STK32B: variants seen among roughly 807,000 people sequenced by gnomAD.
STK32B encodes serine/threonine-protein kinase 32B.
In STK32B, 43 loss-of-function variants were observed where a neutral mutation model predicts 52.6. The ratio of observed to expected loss-of-function variants is 0.82; its 90% CI spans 0.64 to 1.05. STK32B has a LOEUF of 1.05. STK32B is among the 50% of genes least tolerant of loss of function. STK32B has a pLI of 0.00. For missense variants in STK32B, 621 were observed against 534.6 expected, an observed-to-expected ratio of 1.16 and a Z score of -1.59; for synonymous variants, 238 against 204.3, an observed-to-expected ratio of 1.17 and a Z score of -1.41.
At chr4:5,197,265 C>T (rs1721753207) in intron 3 of STK32B, among the ~76,000 whole-genome samples, 1 of 152,152 alleles carries the variant, frequency 6.6e-6, no homozygotes, top group Non-Finnish European at 1.5e-5. Flanking sequence ...AGGAGGTGCC[C>T]AGCTCTGTAG....
chr4:5,334,857 T>C (rs1732531801), intron 4 of STK32B, among the ~76,000 whole-genome samples: 1 of 152,062 alleles, frequency 6.6e-6, no homozygotes, highest in African/African-American at 2.4e-5. Flanking sequence ...AGCTTTTTGA[T>C]GTGCTGCTGG....
chr4:5,491,532 T>G (rs1234715884), intron 11 of STK32B, among the ~76,000 whole-genome samples: 1 of 151,942 alleles, frequency 6.6e-6, no homozygotes, highest in Non-Finnish European at 1.5e-5. Flanking sequence ...GTAGGTTGCC[T>G]GTTCACTCTG....
At chr4:5,418,122 A>T (rs1281783076) in intron 6 of STK32B, among the ~76,000 whole-genome samples, 1 of 152,248 alleles carries the variant, frequency 6.6e-6, no homozygotes. Flanking sequence ...CAGAAGGCTG[A>T]TGCACTGGGG....
At chr4:5,047,927 G>A (rs954414240), upstream of STK32B, among the ~76,000 whole-genome samples, 1 of 152,178 alleles carries the variant, frequency 6.6e-6, no homozygotes, top group African/African-American at 2.4e-5. Context: ...AATCCAGTAA[G>A]TGTCTTTTCA....
intron 1 of STK32B, among the ~76,000 whole-genome samples, chr4:5,107,577 T>C (rs56114112): frequency 0.086 from 13,030 of 152,202 alleles, 587 homozygotes; most frequent in East Asian, 0.15. Context: ...TCAATGACCA[T>C]TGCTAGAATT....
At chr4:5,036,024 C>T in the STK32B span, among the ~76,000 whole-genome samples, 2 of 152,050 alleles carry the variant, frequency 1.3e-5, no homozygotes, top group Non-Finnish European at 2.9e-5. Flanking sequence ...TCAGGTGATC[C>T]ACCGGCCTCG....
At chr4:5,231,479 G>A (rs940253835) in intron 3 of STK32B, among the ~76,000 whole-genome samples, 4 of 152,086 alleles carry the variant, frequency 2.6e-5, no homozygotes, top group Admixed American at 2.0e-4. Context: ...AGGCATGGTG[G>A]TGCACACCTG....
At chr4:5,025,844 G>A in the STK32B span, among the ~76,000 whole-genome samples, 1 of 152,188 alleles carries the variant, frequency 6.6e-6, no homozygotes, top group African/African-American at 2.4e-5. Flanking sequence ...TATTGGCCTA[G>A]CCCACTAATG....
intron 3 of STK32B, among the ~76,000 whole-genome samples, chr4:5,305,849 G>C (rs923863350): frequency 1.6e-4 from 25 of 151,968 alleles, no homozygotes; most frequent in African/African-American, 5.1e-4. Flanking sequence ...AATGCTATGA[G>C]CTTTCCTCTT....
chr4:5,497,360 G>A (rs6834434), intron 11 of STK32B, among the ~76,000 whole-genome samples: 1,735 of 152,328 alleles, frequency 0.011, 30 homozygotes, highest in African/African-American at 0.039. Flanking sequence ...TATTTACTAA[G>A]AAGGATGATA....
At chr4:5,040,857 G>C in the STK32B span, among the ~76,000 whole-genome samples, 72 of 152,278 alleles carry the variant, frequency 4.7e-4, no homozygotes, top group Admixed American at 1.6e-3. Flanking sequence ...GTAGCCAATA[G>C]CTCCTAGGCT....
chr4:5,330,950 G>A (rs897934250), intron 3 of STK32B, among the ~76,000 whole-genome samples: 1 of 152,140 alleles, frequency 6.6e-6, no homozygotes, highest in Non-Finnish European at 1.5e-5. Context: ...TAGTTAAACT[G>A]TCATCTGTCT....
intron 4 of STK32B, among the ~76,000 whole-genome samples, chr4:5,393,886 C>T (rs1736725730): frequency 6.6e-6 from 1 of 152,068 alleles, no homozygotes; most frequent in African/African-American, 2.4e-5. Flanking sequence ...CTTCTCTGTC[C>T]TTTGCTACCT....
chr4:5,477,392 A>G (rs1023632057), intron 11 of STK32B, among the ~76,000 whole-genome samples: 4 of 152,118 alleles, frequency 2.6e-5, no homozygotes, highest in African/African-American at 9.7e-5. Context: ...CAAATGGCCT[A>G]AAACCCTCAA....
chr4:5,452,025 G>A (rs984812354), intron 7 of STK32B, among the ~76,000 whole-genome samples: 7 of 152,304 alleles, frequency 4.6e-5, no homozygotes, highest in Admixed American at 3.3e-4. Context: ...CAGGCACGGA[G>A]AGCAGAGGCT....
chr4:5,358,533 C>T (rs945800916), intron 4 of STK32B, among the ~76,000 whole-genome samples: 4 of 151,972 alleles, frequency 2.6e-5, no homozygotes, highest in Non-Finnish European at 5.9e-5. Flanking sequence ...ATAATGGGAA[C>T]GTTTCAAAGC....
chr4:5,376,579 C>A (rs565746943), intron 4 of STK32B, among the ~76,000 whole-genome samples: 2 of 152,102 alleles, frequency 1.3e-5, no homozygotes, highest in Non-Finnish European at 2.9e-5. Context: ...TTACCTCTTT[C>A]CTCCTCCATA....
the STK32B span, among the ~76,000 whole-genome samples, chr4:5,036,363 T>G: frequency 2.0e-5 from 3 of 152,162 alleles, no homozygotes; most frequent in African/African-American, 4.8e-5. Flanking sequence ...GCACTGGAAA[T>G]CATCATCCTC....
chr4:5,372,448 C>G (rs1376333730), intron 4 of STK32B, among the ~76,000 whole-genome samples: 1 of 152,140 alleles, frequency 6.6e-6, no homozygotes, highest in Non-Finnish European at 1.5e-5. Flanking sequence ...CCCAGGACTC[C>G]CGACCTCTCA....
Sources: allele counts gnomAD v4.1 joint callset (sites outside exome capture counted in the v4.1 genomes callset), GRCh38; gene constraint gnomAD v4.1.1; transcripts MANE v1.5; gene names NCBI Gene and HGNC (gene_info 2026-07-23, HGNC 2026-07-21).